CSMD1: variants seen among roughly 807,000 people sequenced by gnomAD.
The protein encoded by CSMD1 is CUB and sushi domain-containing protein 1.
Under a neutral mutation model 417.5 loss-of-function variants are expected in CSMD1, and 213 were observed. The observed-to-expected ratio is 0.51, with a 90% CI of 0.46 to 0.57. The LOEUF (loss-of-function observed/expected upper bound fraction) is 0.57, where lower values mean the gene tolerates loss of function less well. Ranked by LOEUF, CSMD1 falls within the 20% of genes least tolerant of loss-of-function variation. The pLI is 0.00. For synonymous variants in CSMD1, 2,862 were observed against 1,736.8 expected (o/e 1.65, Z -16.11); for missense variants, 6,923 against 4,529.7 (o/e 1.53, Z -15.17).
At chr8:3,505,725 A>G (rs1796796507) in intron 10 of CSMD1, among the ~76,000 whole-genome samples, 1 of 152,182 alleles carries the variant, frequency 6.6e-6, no homozygotes, top group Admixed American at 6.5e-5. Context: ...GATAGAAGGG[A>G]AAACGATGTT....
intron 1 of CSMD1, among the ~76,000 whole-genome samples, chr8:4,708,050 CCTA>C (rs1808062427): frequency 6.6e-6 from 1 of 152,076 alleles, no homozygotes; most frequent in Admixed American, 6.6e-5. Context: ...CTCAAGTGAT[CCTA>C]CTACCTCAGC....
At chr8:3,382,057 A>C (rs1316759198) in intron 18 of CSMD1, among the ~76,000 whole-genome samples, 2 of 152,146 alleles carry the variant, frequency 1.3e-5, no homozygotes, top group Admixed American at 1.3e-4. Flanking sequence ...CAGGAGTTCG[A>C]GACCAGCCTG....
At chr8:3,636,393 G>C (rs929608325) in intron 7 of CSMD1, among the ~76,000 whole-genome samples, 1 of 152,234 alleles carries the variant, frequency 6.6e-6, no homozygotes, top group East Asian at 1.9e-4. Flanking sequence ...GGCTAGGCTG[G>C]TCTCAGACTC....
chr8:3,347,236 T>G (rs1481057528), intron 22 of CSMD1, among the ~76,000 whole-genome samples: 1 of 152,208 alleles, frequency 6.6e-6, no homozygotes, highest in African/African-American at 2.4e-5. Flanking sequence ...CTTTTCCTTT[T>G]CAGTGCCTTG....
intron 29 of CSMD1, among the ~76,000 whole-genome samples, chr8:3,218,855 A>G (rs1265687256): frequency 6.6e-6 from 1 of 152,134 alleles, no homozygotes; most frequent in Non-Finnish European, 1.5e-5. Flanking sequence ...CTGGGCAACA[A>G]GAGCAAAACT....
At chr8:4,331,089 A>C (rs1799844704) in intron 3 of CSMD1, among the ~76,000 whole-genome samples, 1 of 151,992 alleles carries the variant, frequency 6.6e-6, no homozygotes, top group African/African-American at 2.4e-5. Context: ...TCCAATATGC[A>C]ACTACATATA....
intron 6 of CSMD1, among the ~76,000 whole-genome samples, chr8:3,720,312 G>T (rs977937286): frequency 2.0e-5 from 3 of 152,106 alleles, no homozygotes; most frequent in Admixed American, 6.5e-5. Flanking sequence ...AAAGAAAGGG[G>T]AGAGAGAGGA....
At chr8:3,286,820 T>C (rs1280120572) in intron 25 of CSMD1, among the ~76,000 whole-genome samples, 5 of 152,186 alleles carry the variant, frequency 3.3e-5, no homozygotes, top group Non-Finnish European at 1.5e-5. Flanking sequence ...AGAAGCTCTT[T>C]AGTTTATTTA....
intron 2 of CSMD1, among the ~76,000 whole-genome samples, chr8:4,476,695 G>C (rs17063261): frequency 6.6e-6 from 1 of 151,934 alleles, no homozygotes; most frequent in Non-Finnish European, 1.5e-5. Flanking sequence ...GCCAGTTCAA[G>C]TCCCGATTTC....
chr8:3,717,787 T>C (rs190544794), intron 6 of CSMD1, among the ~76,000 whole-genome samples: 2 of 152,346 alleles, frequency 1.3e-5, no homozygotes, highest in East Asian at 1.9e-4. Context: ...GTATTTTTAA[T>C]AGATTATTCA....
At chr8:4,147,222 G>C (rs964193751) in intron 3 of CSMD1, among the ~76,000 whole-genome samples, 1 of 151,960 alleles carries the variant, frequency 6.6e-6, no homozygotes, top group Non-Finnish European at 1.5e-5. Flanking sequence ...AAGAAAGCAC[G>C]CATGATTTGA....
intron 6 of CSMD1, among the ~76,000 whole-genome samples, chr8:3,728,808 G>T (rs1802645821): frequency 6.6e-6 from 1 of 152,232 alleles, no homozygotes; most frequent in African/African-American, 2.4e-5. Flanking sequence ...CACATTGACT[G>T]ATAATGCCCC....
intron 1 of CSMD1, among the ~76,000 whole-genome samples, chr8:4,844,332 TG>T (rs1166478336): frequency 6.6e-6 from 1 of 152,152 alleles, no homozygotes; most frequent in Non-Finnish European, 1.5e-5. Flanking sequence ...TGATACATTT[TG>T]TTTTTTTTGC....
intron 3 of CSMD1, among the ~76,000 whole-genome samples, chr8:4,129,093 CA>C (rs1181071087): frequency 9.4e-6 from 1 of 106,498 alleles, no homozygotes; most frequent in Admixed American, 9.7e-5. Flanking sequence ...AAAAAAAAAA[CA>C]AAACAAAAAA....
rs528667777 is a variant in CSMD1, at chr8:4,002,191, G to A, written c.611-4081C>T. On this transcript the variant is annotated intron_variant, in intron 4 of 69. Coordinates refer to ENST00000635120, the MANE Select transcript of CSMD1 (RefSeq NM_033225.6). Reference sequence around the variant, plus strand: ...TAGCACAGAATGAGGCAAAATTAGTGTTGGTGCCTGTGAGTGTGTGTGTGT... The same window carrying A: ...TAGCACAGAATGAGGCAAAATTAGTATTGGTGCCTGTGAGTGTGTGTGTGT... 6.1e-4 allele frequency among the ~76,000 whole-genome samples: 93 copies of A among 151,908 alleles called. 1 individual carries two copies. The highest frequency in any genetic ancestry group is 3.4e-3 in the Middle Eastern group (1 of 294).
intron 9 of CSMD1, among the ~76,000 whole-genome samples, chr8:3,576,359 C>G (rs1456956359): frequency 8.1e-6 from 1 of 124,022 alleles, no homozygotes; most frequent in East Asian, 2.5e-4. Context: ...TGTGACTGTT[C>G]ATCTGAGATC....
intron 1 of CSMD1, among the ~76,000 whole-genome samples, chr8:4,992,708 C>G (rs1386553629): frequency 6.6e-6 from 1 of 152,218 alleles, no homozygotes; most frequent in Admixed American, 6.5e-5. Context: ...CGCTGCCAGT[C>G]GGGCCCTGCT....
intron 3 of CSMD1, among the ~76,000 whole-genome samples, chr8:4,125,721 T>A (rs1340582424): frequency 6.6e-6 from 1 of 152,156 alleles, no homozygotes. Flanking sequence ...TGCGAAGGAA[T>A]TCAGTTCACA....
intron 7 of CSMD1, among the ~76,000 whole-genome samples, chr8:3,695,087 C>CGTGTGTGTGTGTGTGTGT (rs1276176981): frequency 0.12 from 17,031 of 145,346 alleles, 1,071 homozygotes; most frequent in Non-Finnish European, 0.14. Context: ...GGAGGCCCTG[C>CGTGTGTGTGTGTGTGTGT]GTGTGTGTGT....
Sources: gnomAD v4.1 joint callset for allele counts (sites outside exome capture counted in the v4.1 genomes callset) on GRCh38, gnomAD v4.1.1 for gene constraint, MANE v1.5 for transcripts, NCBI Gene and HGNC (gene_info 2026-07-23, HGNC 2026-07-21) for gene names.